Variants in PPP1R12B observed in about 807,000 individuals in gnomAD.
The protein encoded by PPP1R12B is protein phosphatase 1 regulatory subunit 12B, also known as myosin phosphatase target subunit 2.
In PPP1R12B, 76 loss-of-function variants were observed where a neutral mutation model predicts 126.1. That is an observed-to-expected ratio of 0.60 (90% confidence interval 0.50 to 0.73). The LOEUF is 0.73. Ranked by LOEUF, PPP1R12B falls within the 30% of genes least tolerant of loss-of-function variation. The pLI is 0.00. For missense variants in PPP1R12B, 1,052 were observed against 1,205.1 expected (o/e 0.87, Z 1.88); for synonymous variants, 356 against 434.7 (o/e 0.82, Z 2.25).
intron 1 of PPP1R12B, among the ~76,000 whole-genome samples, chr1:202,388,529 A>G (rs1663549463): frequency 6.6e-6 from 1 of 152,154 alleles, no homozygotes; most frequent in Non-Finnish European, 1.5e-5. Flanking sequence ...GGAAGAAAAT[A>G]TAATACTTTA....
At chr1:202,466,413 C>T (rs1674992046) in intron 13 of PPP1R12B, among the ~76,000 whole-genome samples, 3 of 151,998 alleles carry the variant, frequency 2.0e-5, no homozygotes, top group Admixed American at 2.0e-4. Context: ...TTTCCTGGCT[C>T]ACTTCTACCT....
chr1:202,565,524 C>G lies in PPP1R12B; in HGVS notation c.2757+977C>G, dbSNP rs1687968853. Among the ~76,000 whole-genome samples, 1 of 152,068 alleles carries G rather than the reference C, an allele frequency of 6.6e-6. No individual in the cohort carries two copies. Among genetic ancestry groups the G allele is most frequent in the East Asian group, 1.9e-4 (1 of 5,196 alleles). On this transcript the variant is annotated intron_variant, in intron 21 of 23. Transcript: ENST00000608999. This position sits in a 1 kb window ranked among gnomAD's most constrained non-coding sequence, Gnocchi z 4.3. The stretch of plus-strand genomic sequence containing the variant: ...TACCCTCTAAACATCCTATTCTAAC[C>G]CCTCTGGAATTGCATGAGCAGGAGG...
At chr1:202,401,235 G>A (rs1358475734) in intron 1 of PPP1R12B, among the ~76,000 whole-genome samples, 2 of 151,118 alleles carry the variant, frequency 1.3e-5, no homozygotes, top group South Asian at 2.1e-4. Flanking sequence ...TGGCACCTAC[G>A]CTGGAGTATA....
chr1:202,377,149 C>T (rs376616979), intron 1 of PPP1R12B, among the ~76,000 whole-genome samples: 4 of 151,804 alleles, frequency 2.6e-5, no homozygotes, highest in Admixed American at 6.6e-5. Context: ...CTGTTTAAGG[C>T]GGGATAATTA....
chr1:202,546,686 C>A (rs527632859), intron 18 of PPP1R12B, among the ~76,000 whole-genome samples: 1 of 152,160 alleles, frequency 6.6e-6, no homozygotes, highest in East Asian at 1.9e-4. Context: ...AATGGTTTCA[C>A]TTTGGATATG....
chr1:202,500,039 T>C (rs1007024840), intron 18 of PPP1R12B, among the ~76,000 whole-genome samples: 3 of 152,220 alleles, frequency 2.0e-5, no homozygotes, highest in African/African-American at 7.2e-5. Flanking sequence ...TAAATTAGTG[T>C]AGCCATTATG....
In PPP1R12B at chr1:202,564,554, CG is replaced by C; in HGVS notation, c.2757+9del. ...GCTTGAGAAGGTGGCCCAGGTAAGA[CG>C]GAAGAAGAAGAAAAAAGATGAGAAC... On this transcript the variant is annotated splice_region_variant and intron_variant, in intron 21 of 23. Transcript: ENST00000608999. The C allele has an allele frequency of 6.3e-7, 1 of 1,593,820 alleles. No homozygotes were observed.
Position 202,520,847 on chromosome 1 carries a change from A to ATTTTT in PPP1R12B, c.2490+24026_2490+24027insTTTTT, listed in dbSNP as rs562876561. On this transcript the variant is annotated intron_variant, in intron 18 of 23. Coordinates refer to ENST00000608999, the MANE Select transcript of PPP1R12B (RefSeq NM_002481.4). ...AAAAAATACATAGTTATTCTTAAAA[A>ATTTTT]TAAGAAAGAAAAGTCTCTTTGGGCC... Among the ~76,000 whole-genome samples, 56 of 152,346 alleles carry ATTTTT rather than the reference A, an allele frequency of 3.7e-4. 1 individual carries two copies. In the East Asian group the frequency reaches 0.01, roughly 27 times the overall value.
chr1:202,507,469 A>T (rs1185096625), intron 18 of PPP1R12B, among the ~76,000 whole-genome samples: 2 of 152,298 alleles, frequency 1.3e-5, no homozygotes, highest in South Asian at 4.1e-4. Flanking sequence ...ATGAAAAGGG[A>T]TTGTTTCAGC....
chr1:202,429,404 G>A (rs1669932635), intron 6 of PPP1R12B, among the ~76,000 whole-genome samples: 1 of 152,130 alleles, frequency 6.6e-6, no homozygotes, highest in Non-Finnish European at 1.5e-5. Flanking sequence ...TCATATAGGA[G>A]AGTATTTGGT....
chr1:202,512,625 A>G (rs1558318731), intron 18 of PPP1R12B, among the ~76,000 whole-genome samples: 1 of 152,212 alleles, frequency 6.6e-6, no homozygotes, highest in African/African-American at 2.4e-5. Context: ...AGCAGTAATA[A>G]TGTATATAAA....
intron 1 of PPP1R12B, among the ~76,000 whole-genome samples, chr1:202,415,256 A>G (rs1667920790): frequency 1.3e-5 from 2 of 152,190 alleles, no homozygotes; most frequent in South Asian, 2.1e-4. Flanking sequence ...GTGGTGAGGA[A>G]GAATATAGTG....
chr1:202,580,633 C>A lies in PPP1R12B; in HGVS notation c.*73C>A. 1 of 1,270,504 alleles carries A rather than the reference C, an allele frequency of 7.9e-7. No individual in the cohort carries two copies. The highest frequency in any genetic ancestry group is 1.1e-6 in the Non-Finnish European group (1 of 872,102). The allele number at this position is 1,270,504 out of a possible 1,614,324, so 78.7% of individuals were successfully genotyped here. On this transcript the variant is annotated 3_prime_UTR_variant, in exon 24 of 24. Coordinates refer to ENST00000608999, the MANE Select transcript of PPP1R12B (RefSeq NM_002481.4). Reference sequence around the variant, plus strand: ...CCCACCCCTCTTTTCCAGTCCTTGCCTTCCAACCAAAAGAAATGGATGTTT... The same window carrying A: ...CCCACCCCTCTTTTCCAGTCCTTGCATTCCAACCAAAAGAAATGGATGTTT...
chr1:202,540,269 T>A (rs563253937), intron 18 of PPP1R12B: 2 of 1,514,358 alleles, frequency 1.3e-6, no homozygotes, highest in African/African-American at 2.8e-5. Context: ...TTTACGTATG[T>A]TCATAGCTGT....
chr1:202,391,614 A>AAACATGTGTCCATACAACAC (rs1303698709), intron 1 of PPP1R12B, among the ~76,000 whole-genome samples: 2 of 146,860 alleles, frequency 1.4e-5, no homozygotes, highest in South Asian at 2.2e-4. Context: ...AGATAAATGA[A>AAACATGTGTCCATACAACAC]TTATCTTCAG....
intron 1 of PPP1R12B, among the ~76,000 whole-genome samples, chr1:202,395,798 G>C (rs1482153943): frequency 6.6e-6 from 1 of 152,040 alleles, no homozygotes; most frequent in Non-Finnish European, 1.5e-5. Flanking sequence ...TTACCTCTCT[G>C]AAATTTTTGA....
Position 202,348,749 on chromosome 1 carries a change from C to G in PPP1R12B, c.-103C>G. The stretch of plus-strand genomic sequence containing the variant: ...ATGGCGGCGCGAGGGTCTCCGCCCT[C>G]TGCTCCGGGCTGAAGCGCTCTGAGA... On this transcript the variant is annotated 5_prime_UTR_variant, in exon 1 of 24. Transcript: ENST00000608999. 7.1e-7 allele frequency: 1 copy of G among 1,411,362 alleles called. No individual in the cohort carries two copies. The highest frequency in any genetic ancestry group is 9.4e-7 in the Non-Finnish European group (1 of 1,063,718). 87.4% of individuals were successfully genotyped at this position (1,411,362 alleles called of 1,614,324 possible). A position where few individuals can be genotyped will look rare whatever the true frequency, so the allele number is the denominator to read the frequency against.
chr1:202,488,373 G>A (rs1383494472), intron 13 of PPP1R12B, among the ~76,000 whole-genome samples, 160 bp from the exon 14 acceptor site: 1 of 152,192 alleles, frequency 6.6e-6, no homozygotes, highest in Non-Finnish European at 1.5e-5. Flanking sequence ...CTTGGATTCT[G>A]TAATGTTTGC....
chr1:202,427,397 T>C (rs2148652389), intron 5 of PPP1R12B, among the ~76,000 whole-genome samples: 1 of 152,292 alleles, frequency 6.6e-6, no homozygotes, highest in African/African-American at 2.4e-5. Flanking sequence ...CTTCTGATTG[T>C]ATTTATGTTC....
Sources: allele counts gnomAD v4.1 joint callset (sites outside exome capture counted in the v4.1 genomes callset), GRCh38; gene constraint gnomAD v4.1.1; non-coding constraint Gnocchi (gnomAD v3.1); transcripts MANE v1.5; gene names NCBI Gene and HGNC (gene_info 2026-07-23, HGNC 2026-07-21).